Variants in DIP2C observed in about 807,000 individuals in gnomAD.
DIP2C encodes the protein disco-interacting protein 2 homolog C.
DIP2C carries 33 observed loss-of-function variants against 192.4 expected under a neutral mutation model. That is an observed-to-expected ratio of 0.17 (90% CI 0.13 to 0.23). The LOEUF (loss-of-function observed/expected upper bound fraction) is 0.23, where lower values mean the gene tolerates loss of function less well. DIP2C is among the 10% of genes least tolerant of loss of function. The pLI, the probability that DIP2C is intolerant of heterozygous loss-of-function variation, is 1.00. For synonymous variants in DIP2C, 979 were observed against 864.1 expected (o/e 1.13, Z -2.33); for missense variants, 1,537 against 2,110.1 (o/e 0.73, Z 5.32).
At chr10:525,665 G>C (rs1386921235) in intron 1 of DIP2C, among the ~76,000 whole-genome samples, 1 of 152,174 alleles carries the variant, frequency 6.6e-6, no homozygotes, top group African/African-American at 2.4e-5. Flanking sequence ...GAACAGGGTA[G>C]GATAACAGGC....
intron 3 of DIP2C, among the ~76,000 whole-genome samples, chr10:442,795 T>C (rs758669851): frequency 6.6e-6 from 1 of 152,260 alleles, no homozygotes; most frequent in Non-Finnish European, 1.5e-5. Flanking sequence ...TTAGCTGTCA[T>C]ATACAAAGTT....
At chr10:582,892 T>C (rs919915468) in intron 1 of DIP2C, among the ~76,000 whole-genome samples, 7 of 152,124 alleles carry the variant, frequency 4.6e-5, no homozygotes, top group Non-Finnish European at 7.3e-5. Flanking sequence ...CTCAAAACAA[T>C]AGAAGGAAGG....
At chr10:571,852 G>C (rs1170831396) in intron 1 of DIP2C, among the ~76,000 whole-genome samples, 1 of 152,188 alleles carries the variant, frequency 6.6e-6, no homozygotes, top group Non-Finnish European at 1.5e-5. Flanking sequence ...ACCAGAGCAA[G>C]GCCCAGGGCA....
chr10:448,224 A>G (rs1416560079), intron 3 of DIP2C, among the ~76,000 whole-genome samples: 11 of 87,332 alleles, frequency 1.3e-4, no homozygotes, highest in African/African-American at 4.1e-4. Context: ...CATTCCCGTC[A>G]ATAATCAGGA....
At chr10:600,595 T>TC (rs1478831257) in intron 1 of DIP2C, among the ~76,000 whole-genome samples, 3 of 139,770 alleles carry the variant, frequency 2.1e-5, no homozygotes, top group African/African-American at 8.6e-5. Context: ...AGCAGCCCTC[T>TC]CCACCTTAAA....
intron 3 of DIP2C, among the ~76,000 whole-genome samples, chr10:455,055 T>C (rs1170893722): frequency 6.6e-6 from 1 of 152,188 alleles, no homozygotes; most frequent in Non-Finnish European, 1.5e-5. Flanking sequence ...TGCTGTCCAA[T>C]GGCAAAGACA....
chr10:561,614 C>CT lies in DIP2C; in HGVS notation c.86-75085dup, dbSNP rs142204765. Among the ~76,000 whole-genome samples the CT allele has an allele frequency of 6.3e-3, 959 of 152,286 alleles. 12 individuals are homozygous for CT. Among genetic ancestry groups the CT allele is most frequent in the African/African-American group, 0.022 (911 of 41,552 alleles). On this transcript the variant is annotated intron_variant, in intron 1 of 36. Coordinates refer to ENST00000280886, the MANE Select transcript of DIP2C (RefSeq NM_014974.3). The stretch of plus-strand genomic sequence containing the variant: ...ACTGACCCTCCTGGTAACGCACTGT[C>CT]TCCAAGGCCCTTTCCCGCCAGTCAC...
chr10:567,960 CTCCCA>C (rs777088775), intron 1 of DIP2C, among the ~76,000 whole-genome samples: 9 of 152,190 alleles, frequency 5.9e-5, no homozygotes, highest in Non-Finnish European at 8.8e-5. Flanking sequence ...TGAGGGGAGG[CTCCCA>C]TCCCATCCCA....
intron 1 of DIP2C, among the ~76,000 whole-genome samples, chr10:670,287 CACAT>C (rs1830561696): frequency 3.3e-5 from 5 of 152,110 alleles, no homozygotes; most frequent in African/African-American, 1.2e-4. Flanking sequence ...TACACACGTA[CACAT>C]GCACACACAT....
intron 32 of DIP2C, among the ~76,000 whole-genome samples, chr10:295,540 G>A (rs1176198305): frequency 7.7e-5 from 9 of 116,166 alleles, no homozygotes; most frequent in African/African-American, 2.6e-4. Context: ...CCACCTGGGC[G>A]AAAGAACGAG....
chr10:360,459 C>T (rs1425267492), intron 22 of DIP2C, among the ~76,000 whole-genome samples: 2 of 152,192 alleles, frequency 1.3e-5, no homozygotes, highest in Admixed American at 6.5e-5. Flanking sequence ...ATCTGCAAGT[C>T]GGCAGCCGCA....
chr10:324,197 AC>A (rs747259547), intron 31 of DIP2C, among the ~76,000 whole-genome samples: 62 of 152,228 alleles, frequency 4.1e-4, no homozygotes, highest in South Asian at 1.0e-3. Context: ...CAACTCACTG[AC>A]TGTGAGAAAT....
chr10:467,057 C>A (rs1331395148), intron 3 of DIP2C, among the ~76,000 whole-genome samples: 8 of 151,594 alleles, frequency 5.3e-5, no homozygotes, highest in African/African-American at 1.9e-4. Flanking sequence ...GACTATAAAT[C>A]ATGCTGCTAT....
At chr10:359,563 T>C (rs944541151) in intron 22 of DIP2C, among the ~76,000 whole-genome samples, 1 of 152,212 alleles carries the variant, frequency 6.6e-6, no homozygotes, top group East Asian at 1.9e-4. Flanking sequence ...TCTTAGTTCT[T>C]AATGAAGTAT....
intron 34 of DIP2C, among the ~76,000 whole-genome samples, chr10:284,995 G>A (rs1172675723): frequency 2.0e-5 from 3 of 152,268 alleles, no homozygotes; most frequent in Admixed American, 6.5e-5. Context: ...GGCAGCACCC[G>A]TGAGGACACC....
At chr10:372,664 C>A (rs910190179) in intron 17 of DIP2C, among the ~76,000 whole-genome samples, 2 of 149,272 alleles carry the variant, frequency 1.3e-5, no homozygotes, top group Non-Finnish European at 2.9e-5. Context: ...TGGCATACAG[C>A]CAGGCACAGA....
intron 8 of DIP2C, among the ~76,000 whole-genome samples, chr10:413,383 T>G (rs543202816): frequency 7.9e-5 from 12 of 152,350 alleles, no homozygotes; most frequent in African/African-American, 2.9e-4. Flanking sequence ...CCAGAAAGTT[T>G]AGATAGACAT....
intron 1 of DIP2C, among the ~76,000 whole-genome samples, chr10:561,164 G>T (rs1425515794): frequency 1.3e-5 from 2 of 152,194 alleles, no homozygotes; most frequent in East Asian, 3.8e-4. Flanking sequence ...TAGGTTCTTA[G>T]TATCTCCTGA....
At chr10:645,351 T>C (rs897557023) in intron 1 of DIP2C, among the ~76,000 whole-genome samples, 6 of 152,200 alleles carry the variant, frequency 3.9e-5, no homozygotes, top group African/African-American at 1.4e-4. Context: ...TAAGGTGATT[T>C]AGAAATCCTT....
Sources: gnomAD v4.1 joint callset for allele counts (sites outside exome capture counted in the v4.1 genomes callset) on GRCh38, gnomAD v4.1.1 for gene constraint, MANE v1.5 for transcripts, NCBI Gene and HGNC (gene_info 2026-07-23, HGNC 2026-07-21) for gene names.